C17orf67: variants seen among roughly 807,000 people sequenced by gnomAD.
The protein encoded by C17orf67 is uncharacterized protein C17orf67.
Under a neutral mutation model 11.2 loss-of-function variants are expected in C17orf67, and 12 were observed. The ratio of observed to expected loss-of-function variants is 1.07; its 90% confidence interval spans 0.68 to 1.73. The LOEUF (loss-of-function observed/expected upper bound fraction) is 1.73. Among genes scored for constraint, C17orf67 ranks in the 40% most tolerant of loss-of-function variants. C17orf67 has a pLI of 0.00. For synonymous variants in C17orf67, 59 were observed against 46.9 expected, an observed-to-expected ratio of 1.26 and a Z score of -1.05; for missense variants, 115 against 113.5, an observed-to-expected ratio of 1.01 and a Z score of -0.06.
chr17:56,831,663 A>G (rs1906205805), intron 2 of C17orf67, among the ~76,000 whole-genome samples: 1 of 152,122 alleles, frequency 6.6e-6, no homozygotes, highest in Non-Finnish European at 1.5e-5. Flanking sequence ...AATACCACAA[A>G]AAGCCTCAAG....
intron 6 of C17orf67, among the ~76,000 whole-genome samples, chr17:56,808,799 G>A (rs1187810988): frequency 1.3e-5 from 2 of 152,184 alleles, no homozygotes; most frequent in Admixed American, 6.5e-5. Context: ...TAAGCCAAGT[G>A]TTAAGTGTAT....
intron 2 of C17orf67, among the ~76,000 whole-genome samples, chr17:56,826,433 A>G (rs1291224684): frequency 6.6e-6 from 1 of 152,214 alleles, no homozygotes; most frequent in Non-Finnish European, 1.5e-5. Flanking sequence ...TGAACTGACA[A>G]GCACAAGGGG....
At chr17:56,795,339 C>G (rs1440791136) in intron 6 of C17orf67, 159 bp from the exon 7 acceptor site, 1 of 644,572 alleles carries the variant, frequency 1.6e-6, no homozygotes, top group East Asian at 2.8e-5. Flanking sequence ...TAGGGAAGAC[C>G]AGTCAGACTG....
chr17:56,794,747 C>A (rs1905176997), intron 7 of C17orf67, among the ~76,000 whole-genome samples: 1 of 152,206 alleles, frequency 6.6e-6, no homozygotes, highest in African/African-American at 2.4e-5. Context: ...ACACACTTCT[C>A]CACATTTGGG....
chr17:56,800,539 T>C (rs760742310), intron 6 of C17orf67, among the ~76,000 whole-genome samples: 1 of 152,144 alleles, frequency 6.6e-6, no homozygotes, highest in Non-Finnish European at 1.5e-5. Context: ...CACTTGAGCT[T>C]TGTTCTCCAT....
chr17:56,794,425 GGACA>G (rs1474546350), intron 7 of C17orf67, among the ~76,000 whole-genome samples: 1 of 152,092 alleles, frequency 6.6e-6, no homozygotes, highest in Non-Finnish European at 1.5e-5. Context: ...AAGATGATGA[GGACA>G]GACAGGGAGA....
intron 4 of C17orf67, among the ~76,000 whole-genome samples, chr17:56,823,719 A>T (rs937339311): frequency 2.0e-5 from 3 of 152,232 alleles, no homozygotes; most frequent in African/African-American, 7.2e-5. Flanking sequence ...CATTTACCTA[A>T]ATGAGTTGAA....
chr17:56,809,991 TCA>T (rs567142050), intron 6 of C17orf67, among the ~76,000 whole-genome samples: 2 of 115,462 alleles, frequency 1.7e-5, no homozygotes, highest in African/African-American at 3.5e-5. Context: ...CACAGACCCT[TCA>T]CACACACACC....
chr17:56,792,515 A>AGTG (rs111716809), intron 7 of C17orf67, among the ~76,000 whole-genome samples, 163 bp from the exon 8 acceptor site: 7,731 of 73,542 alleles, frequency 0.11, 303 homozygotes, highest in Admixed American at 0.18. Context: ...TAATGATGAT[A>AGTG]GTGGTGGTGG....
At chr17:56,804,109 A>G (rs1158829603) in intron 6 of C17orf67, 1 of 152,214 alleles carries the variant, frequency 6.6e-6, no homozygotes, top group African/African-American at 2.4e-5. Context: ...ATCAAAGCAA[A>G]ACAAAAACCA....
intron 4 of C17orf67, among the ~76,000 whole-genome samples, chr17:56,822,784 C>T (rs1324660598): frequency 1.3e-5 from 2 of 152,220 alleles, no homozygotes; most frequent in Non-Finnish European, 2.9e-5. Context: ...GTCAACACCG[C>T]AGGCCCTGGC....
In C17orf67 at chr17:56,795,228, C is replaced by T. The variant is rs373479447; in HGVS notation, c.157-48G>A. The T allele has an allele frequency of 6.8e-5, 105 of 1,551,070 alleles. No homozygotes were observed. The African/African-American group carries it at 1.3e-3, about 19-fold the overall frequency. ...AGAAGGCTTCACCCACAGTGACAGCCAAGGGATCAATATGCGTGGTGTGGC... is the reference window on the plus strand; with the variant it reads ...AGAAGGCTTCACCCACAGTGACAGCTAAGGGATCAATATGCGTGGTGTGGC... On this transcript the variant is annotated intron_variant, in intron 6 of 7. Coordinates refer to ENST00000397861, the MANE Select transcript of C17orf67 (RefSeq NM_001085430.4).
chr17:56,794,575 C>A (rs1905173444), intron 7 of C17orf67, among the ~76,000 whole-genome samples: 1 of 152,050 alleles, frequency 6.6e-6, no homozygotes, highest in South Asian at 2.1e-4. Context: ...GTGGGCTGGG[C>A]AGATTGGCAG....
chr17:56,811,700 T>C (rs946545862), intron 6 of C17orf67, among the ~76,000 whole-genome samples: 1 of 152,246 alleles, frequency 6.6e-6, no homozygotes, highest in Non-Finnish European at 1.5e-5. Flanking sequence ...CCTCAGTCCC[T>C]GGTGCTTAGT....
intron 4 of C17orf67, among the ~76,000 whole-genome samples, chr17:56,820,794 G>A (rs1905884211): frequency 1.5e-5 from 2 of 134,018 alleles, no homozygotes; most frequent in Non-Finnish European, 3.1e-5. Flanking sequence ...TTTTTTGGAA[G>A]GAACTGTCCC....
chr17:56,825,889 T>C (rs1939780318), intron 2 of C17orf67, among the ~76,000 whole-genome samples: 1 of 152,160 alleles, frequency 6.6e-6, no homozygotes, highest in South Asian at 2.1e-4. Context: ...GGTGATTCTT[T>C]TCTTCCTTTT....
Position 56,832,883 on chromosome 17 carries a change from T to C in C17orf67, c.-557+15A>G, listed in dbSNP as rs974994422. On this transcript the variant is annotated intron_variant, in intron 2 of 7. Transcript: ENST00000397861. ...ATATATATGCACACATAATAATATA[T>C]ACATACACACATACACGTATATATA... The C allele has an allele frequency of 1.4e-4, 22 of 152,362 alleles. No individual in the cohort carries two copies. Among genetic ancestry groups the C allele is most frequent in the Admixed American group, 9.8e-4 (15 of 15,310 alleles). 9.4% of individuals were successfully genotyped at this position (152,362 alleles called of 1,614,324 possible).
At chr17:56,831,994 C>A (rs913597561) in intron 2 of C17orf67, among the ~76,000 whole-genome samples, 5 of 152,160 alleles carry the variant, frequency 3.3e-5, no homozygotes, top group African/African-American at 1.2e-4. Flanking sequence ...GTCGCCCCGG[C>A]TGGAATACAT....
intron 6 of C17orf67, among the ~76,000 whole-genome samples, chr17:56,798,385 A>G (rs1485300045): frequency 1.3e-5 from 2 of 152,120 alleles, no homozygotes; most frequent in African/African-American, 2.4e-5. Flanking sequence ...TAGCATTCCC[A>G]TATATCCCCT....
Sources: allele counts gnomAD v4.1 joint callset (sites outside exome capture counted in the v4.1 genomes callset), GRCh38; gene constraint gnomAD v4.1.1; transcripts MANE v1.5; gene names NCBI Gene and HGNC (gene_info 2026-07-23, HGNC 2026-07-21).